CILK1: variants seen among roughly 807,000 people sequenced by gnomAD.
CILK1 encodes serine/threonine-protein kinase ICK.
CILK1 carries 47 observed loss-of-function variants against 79.2 expected under a neutral mutation model. The ratio of observed to expected loss-of-function variants is 0.59; its 90% CI spans 0.47 to 0.76. CILK1 has a LOEUF of 0.76. Among genes scored for constraint, CILK1 ranks in the 30% least tolerant of loss-of-function variants. The pLI is 0.00. For synonymous variants in CILK1, 266 were observed against 275.9 expected (o/e 0.96, Z 0.36); for missense variants, 660 against 769.5 (o/e 0.86, Z 1.68).
At chr6:53,057,620 T>C (rs1342550671) in intron 1 of CILK1, 5 of 152,198 alleles carry the variant, frequency 3.3e-5, no homozygotes, top group Non-Finnish European at 1.5e-5. Context: ...TATAACTGAA[T>C]GCTAATTAAC....
intron 5 of CILK1, among the ~76,000 whole-genome samples, chr6:53,023,996 C>T (rs988288321): frequency 5.3e-5 from 8 of 152,158 alleles, no homozygotes; most frequent in African/African-American, 7.2e-5. Context: ...CTTCCCACCA[C>T]GGGGTTGCTT....
intron 3 of CILK1, among the ~76,000 whole-genome samples, chr6:53,035,624 C>T (rs531203067): frequency 3.9e-5 from 6 of 152,212 alleles, no homozygotes; most frequent in African/African-American, 1.2e-4. Context: ...CATGGGCAGA[C>T]ATGCAAATGT....
In CILK1 at chr6:53,013,894, A is replaced by C. The variant is rs768168710; in HGVS notation, c.920T>G (p.Ile307Ser). ...LQDSEKPQKG[I>S]LEKAGPPPYI... The stretch of plus-strand genomic sequence containing the variant: ...AGGAGGTGGGCCTGCCTTTTCCAGG[A>C]TGCCTTTCTGTGGTTTTTCTGAATC... The change falls in exon 9 of 14, where the codon ATC becomes AGC. Residue 307 changes from isoleucine (I) to serine (S), a missense_variant. Ile to Ser is a moderately radical substitution (Grantham distance 142). Coordinates refer to ENST00000676107, the MANE Select transcript of CILK1 (RefSeq NM_014920.5). 4 of 1,614,068 alleles carry C rather than the reference A, an allele frequency of 2.5e-6. No homozygotes were observed. The highest frequency in any genetic ancestry group is 3.4e-6 in the Non-Finnish European group (4 of 1,179,998).
chr6:53,029,429 T>C (rs1765781962), intron 5 of CILK1, among the ~76,000 whole-genome samples: 1 of 152,226 alleles, frequency 6.6e-6, no homozygotes, highest in Non-Finnish European at 1.5e-5. Flanking sequence ...TTTGACTCAG[T>C]CTTGCATAGT....
chr6:53,031,599 T>C (rs1562025848), intron 4 of CILK1, among the ~76,000 whole-genome samples: 1 of 152,218 alleles, frequency 6.6e-6, no homozygotes, highest in Non-Finnish European at 1.5e-5. Flanking sequence ...CGGTTCACCT[T>C]TGAAGTTCAA....
At chr6:53,032,155 A>G (rs953809407) in intron 4 of CILK1, among the ~76,000 whole-genome samples, 5 of 151,864 alleles carry the variant, frequency 3.3e-5, no homozygotes, top group Non-Finnish European at 5.9e-5. Flanking sequence ...CTAAAATAAG[A>G]AAATGACTGC....
intron 9 of CILK1, among the ~76,000 whole-genome samples, chr6:53,013,134 T>G (rs1022033520): frequency 5.3e-5 from 8 of 152,216 alleles, no homozygotes; most frequent in Non-Finnish European, 1.0e-4. Flanking sequence ...AGGTAAGACA[T>G]GCACTATAAT....
rs1387489017 is a variant in CILK1 at position 53,012,087 on chromosome 6, G to T, written c.1293C>A (p.Ser431Arg). 1.2e-6 allele frequency: 2 copies of T among 1,614,180 alleles called. No individual in the cohort carries two copies. Among genetic ancestry groups the T allele is most frequent in the Non-Finnish European group, 1.7e-6 (2 of 1,180,020 alleles). Residue 431 changes from serine (S) to arginine (R), a missense_variant, in exon 10 of 14, where the codon AGC becomes AGA. By Grantham distance (110) the Ser-to-Arg change is moderately radical. Coordinates refer to ENST00000676107, the MANE Select transcript of CILK1 (RefSeq NM_014920.5). ...LDDLDFSPSL[S>R]RIDLKNKKRQ... ...TTTTCTTGTTTTTCAGGTCAATCCTGCTGAGGGATGGACTGAAATCCAAGT... is the reference window on the plus strand; with the variant it reads ...TTTTCTTGTTTTTCAGGTCAATCCTTCTGAGGGATGGACTGAAATCCAAGT...
intron 8 of CILK1, among the ~76,000 whole-genome samples, chr6:53,014,977 T>C (rs1414711409): frequency 6.6e-6 from 1 of 152,236 alleles, no homozygotes; most frequent in South Asian, 2.1e-4. Context: ...CCACCAGAAC[T>C]GCATTCCTGA....
intron 5 of CILK1, among the ~76,000 whole-genome samples, chr6:53,029,896 A>G (rs1765823011): frequency 6.6e-6 from 1 of 152,220 alleles, no homozygotes. Flanking sequence ...ATCTGTCTGT[A>G]TATTACAATG....
At chr6:53,005,827 G>A (rs897605078) in intron 13 of CILK1, among the ~76,000 whole-genome samples, 1 of 152,016 alleles carries the variant, frequency 6.6e-6, no homozygotes. Flanking sequence ...TACAGGCATC[G>A]TATCACCCCT....
Position 53,031,052 on chromosome 6 carries a change from C to G in CILK1, c.358+13G>C, listed in dbSNP as rs368928973. 1 of 1,549,916 alleles carries G rather than the reference C, an allele frequency of 6.5e-7. No homozygotes were observed. The highest frequency in any genetic ancestry group is 8.9e-7 in the Non-Finnish European group (1 of 1,121,780). ...CACTGCTCTTCAAAAGCACAACACT[C>G]CGAATCACCTACCGTGTTTGTGAAT... On this transcript the variant is annotated intron_variant, in intron 5 of 13. Coordinates refer to ENST00000676107, the MANE Select transcript of CILK1 (RefSeq NM_014920.5).
intron 5 of CILK1, among the ~76,000 whole-genome samples, chr6:53,025,794 T>G (rs1020521211): frequency 6.6e-6 from 1 of 152,236 alleles, no homozygotes; most frequent in African/African-American, 2.4e-5. Context: ...ATCTGTAGAC[T>G]ATCTAGCCCT....
chr6:53,031,116 T>C lies in CILK1; in HGVS notation c.307A>G (p.Arg103Gly), dbSNP rs1765933802. ...TGTAATATCTGATACATGATATTCC[T>C]TATAGCAGACTCAGGAAACAACTTA... ...RNKLFPESAI[R>G]NIMYQILQGL... is the part of the protein sequence containing the mutation. The change falls in exon 5 of 14, where the codon AGG becomes GGG. Residue 103 changes from arginine to glycine, a missense_variant. Physicochemically the swap from Arg to Gly is moderately radical, Grantham distance 125. Transcript: ENST00000676107. The C allele has an allele frequency of 6.2e-7, 1 of 1,609,816 alleles. No homozygotes were observed. Among genetic ancestry groups the C allele is most frequent in the Non-Finnish European group, 8.5e-7 (1 of 1,176,308 alleles).
chr6:53,036,164 T>A (rs554021874), intron 3 of CILK1, among the ~76,000 whole-genome samples: 1 of 152,354 alleles, frequency 6.6e-6, no homozygotes, highest in African/African-American at 2.4e-5. Flanking sequence ...GCATTAGAAC[T>A]AATACACAAT....
chr6:53,019,943 A>G (rs1052173103), intron 5 of CILK1, among the ~76,000 whole-genome samples: 1 of 150,798 alleles, frequency 6.6e-6, no homozygotes, highest in African/African-American at 2.4e-5. Flanking sequence ...AAGTATTGGG[A>G]TTATAAGTGT....
Position 53,015,645 on chromosome 6 carries a change from C to G in CILK1, c.831+438G>C, listed in dbSNP as rs533317372. The stretch of plus-strand genomic sequence containing the variant: ...TGCTATGAAATACTAAGTGCAGTTA[C>G]TATCCTAGGTCTATCTCATCTGTCA... On this transcript the variant is annotated intron_variant, in intron 8 of 13. Coordinates refer to ENST00000676107, the MANE Select transcript of CILK1 (RefSeq NM_014920.5). Among the ~76,000 whole-genome samples the G allele has an allele frequency of 2.0e-5, 3 of 152,302 alleles. No homozygotes were observed. In the South Asian group the frequency reaches 6.2e-4, roughly 32 times the overall value.
Position 53,005,261 on chromosome 6 carries a change from G to A in CILK1, c.1787C>T (p.Pro596Leu). ...GCTTCTAGGCTGGGTGTGGAAGAATGGTCGCCCAGGATGAGGTCTCATGGC... is the reference window on the plus strand; with the variant it reads ...GCTTCTAGGCTGGGTGTGGAAGAATAGTCGCCCAGGATGAGGTCTCATGGC... Reference protein sequence around the residue: ...LKAMRPHPGRPFFHTQPRSTP... With the variant: ...LKAMRPHPGRLFFHTQPRSTP... The change falls in exon 14 of 14, where the codon CCA (proline) becomes CTA (leucine). Residue 596 changes from proline to leucine, a missense_variant. Physicochemically the swap from Pro to Leu is moderately conservative, Grantham distance 98. Transcript: ENST00000676107. 1 of 1,614,226 alleles carries A rather than the reference G, an allele frequency of 6.2e-7. No homozygotes were observed.
In CILK1 at chr6:53,017,020, C is replaced by T. The variant is rs17672049; in HGVS notation, c.664-770G>A. 5.2e-4 allele frequency among the ~76,000 whole-genome samples: 79 copies of T among 152,210 alleles called. 2 individuals carry two copies. The South Asian group carries it at 0.015, about 28-fold the overall frequency. On this transcript the variant is annotated intron_variant, in intron 7 of 13. Transcript: ENST00000676107. Reference sequence around the variant, plus strand: ...CAAAAATGATCCAATATAAATCCTGCGCTTAAGAGTATTACTGTTCTTAAA... The same window carrying T: ...CAAAAATGATCCAATATAAATCCTGTGCTTAAGAGTATTACTGTTCTTAAA...
Sources: gnomAD v4.1 joint callset for allele counts (sites outside exome capture counted in the v4.1 genomes callset) on GRCh38, gnomAD v4.1.1 for gene constraint, MANE v1.5 for transcripts, NCBI Gene and HGNC (gene_info 2026-07-23, HGNC 2026-07-21) for gene names.